Variants in EP400 observed in about 807,000 individuals in gnomAD.
EP400 encodes E1A binding protein p400.
In EP400, 105 loss-of-function variants were observed where a neutral mutation model predicts 354.1. That is an observed-to-expected ratio of 0.30 (90% CI 0.25 to 0.35). The LOEUF (loss-of-function observed/expected upper bound fraction) is 0.35, where lower values mean the gene tolerates loss of function less well. Ranked by LOEUF, EP400 falls within the 10% of genes least tolerant of loss-of-function variation. EP400 has a pLI of 1.00. For missense variants in EP400, 3,280 were observed against 4,121.0 expected (o/e 0.80, Z 5.59); for synonymous variants, 1,646 against 1,716.9 (o/e 0.96, Z 1.02).
At position 132,004,579 on chromosome 12, in the gene EP400, A is replaced by T. The variant is rs548933168; in HGVS notation, c.2828-498A>T. On this transcript the variant is annotated intron_variant, in intron 12 of 52. Coordinates refer to ENST00000389561, the MANE Select transcript of EP400 (RefSeq NM_015409.5). ...TTTACATTTTTATTTATTAGTCTAT[A>T]CTGTTACTGTTCATTTAGATTATTT... is the stretch of plus-strand genomic sequence containing the variant. Among the ~76,000 whole-genome samples the T allele has an allele frequency of 6.0e-4, 91 of 152,186 alleles. 1 individual carries two copies. Among genetic ancestry groups the T allele is most frequent in the Middle Eastern group, 6.8e-3 (2 of 292 alleles).
chr12:131,972,959 T>G (rs558625912), intron 2 of EP400, among the ~76,000 whole-genome samples: 1 of 152,192 alleles, frequency 6.6e-6, no homozygotes, highest in African/African-American at 2.4e-5. Context: ...CTCGAACTCC[T>G]GACCTCAAGT....
At chr12:132,005,231 G>A (rs1157459032) in intron 13 of EP400, 47 bp downstream of exon 13, 35 of 1,375,296 alleles carry the variant, frequency 2.5e-5, no homozygotes, top group Middle Eastern at 1.8e-4. Context: ...AGCAGAAGCC[G>A]GAGTACTTAC....
In EP400 at chr12:132,038,207, G is replaced by A. The variant is rs1894778983; in HGVS notation, c.6207+111G>A. 1 of 1,401,746 alleles carries A rather than the reference G, an allele frequency of 7.1e-7. No homozygotes were observed. Among genetic ancestry groups the A allele is most frequent in the African/African-American group, 1.4e-5 (1 of 69,636 alleles). 86.8% of individuals were successfully genotyped at this position (1,401,746 alleles called of 1,614,324 possible). A position where few individuals can be genotyped will look rare whatever the true frequency, so the allele number is the denominator to read the frequency against. ...AGTCCCCACTCTTCCCTGGCCTGAA[G>A]CCCTCTTCCCGTCCCTGCTTTTGGA... On this transcript the variant is annotated intron_variant, in intron 32 of 52. Coordinates refer to ENST00000389561, the MANE Select transcript of EP400 (RefSeq NM_015409.5). The surrounding 1 kb of genome is among the most constrained non-coding windows in gnomAD (Gnocchi z 4.2).
In EP400 at chr12:132,052,366, C is replaced by T. The variant is rs766634453; in HGVS notation, c.7395-780C>T. Reference sequence around the variant, plus strand: ...TTGGCTCAGGGCCCATCTCCGCAAACCCCCAGGACTCCCTACTGCCCACGC... The same window carrying T: ...TTGGCTCAGGGCCCATCTCCGCAAATCCCCAGGACTCCCTACTGCCCACGC... On this transcript the variant is annotated intron_variant, in intron 41 of 52. Transcript: ENST00000389561. This position sits in a 1 kb window ranked among gnomAD's most constrained non-coding sequence, Gnocchi z 4.4. 6.6e-6 allele frequency among the ~76,000 whole-genome samples: 1 copy of T among 152,210 alleles called. No individual in the cohort carries two copies. The highest frequency in any genetic ancestry group is 1.5e-5 in the Non-Finnish European group (1 of 68,034).
intron 1 of EP400, among the ~76,000 whole-genome samples, chr12:131,954,882 G>A (rs1312199828): frequency 1.3e-5 from 2 of 152,024 alleles, no homozygotes; most frequent in Non-Finnish European, 2.9e-5. Context: ...ACAAAAATTA[G>A]CTGGCTGTGG....
chr12:132,020,339 C>T, intron 22 of EP400, 121 bp downstream of exon 22: 1 of 1,194,750 alleles, frequency 8.4e-7, no homozygotes, highest in East Asian at 2.7e-5. Flanking sequence ...CAGGCACCAC[C>T]CGCTGGCTTT....
chr12:132,062,889 T>C (rs1240074653), intron 47 of EP400, among the ~76,000 whole-genome samples, 188 bp downstream of exon 47: 2 of 152,254 alleles, frequency 1.3e-5, no homozygotes, highest in African/African-American at 4.8e-5. Context: ...ACTTTGATCA[T>C]GCCTTAGAGA....
chr12:132,064,580 A>T, intron 47 of EP400, 88 bp from the exon 48 acceptor site: 1 of 1,516,102 alleles, frequency 6.6e-7, no homozygotes, highest in Non-Finnish European at 8.9e-7. Context: ...TTTAATGGGC[A>T]GTAGAGGGGT....
intron 15 of EP400, 142 bp downstream of exon 15, chr12:132,007,019 G>A: frequency 3.5e-6 from 3 of 847,678 alleles, no homozygotes; most frequent in Non-Finnish European, 3.6e-6. Flanking sequence ...TTGAGGCTCA[G>A]AAGTATTCAT....
At chr12:132,015,338 G>A (rs1213681279) in intron 19 of EP400, among the ~76,000 whole-genome samples, 1 of 152,236 alleles carries the variant, frequency 6.6e-6, no homozygotes, top group East Asian at 1.9e-4. Context: ...GCTTTGCCAT[G>A]TTGCTGAAGC....
chr12:131,987,793 G>A lies in EP400; in HGVS notation c.2312G>A (p.Arg771His), dbSNP rs1248383112. 4.3e-6 allele frequency: 7 copies of A among 1,613,124 alleles called. No homozygotes were observed. Among genetic ancestry groups the A allele is most frequent in the Non-Finnish European group, 5.9e-6 (7 of 1,179,912 alleles). Residue 771 changes from arginine (R) to histidine (H), a missense_variant, in exon 7 of 53, where the codon CGC becomes CAC. This residue lies in a region of EP400 where 800 missense variants were observed against 840.0 expected (regional missense o/e 0.95). Coordinates refer to ENST00000389561, the MANE Select transcript of EP400 (RefSeq NM_015409.5). The stretch of plus-strand genomic sequence containing the variant: ...CTGCCAAAGCTGCAGGAGGCCCCAC[G>A]CCCCAAGTCCCACTGGGACTATCTG... Reference protein sequence around the residue: ...RRLPKLQEAPRPKSHWDYLLE... With the variant: ...RRLPKLQEAPHPKSHWDYLLE...
At chr12:132,062,792 C>A in intron 47 of EP400, 91 bp downstream of exon 47, 1 of 1,513,940 alleles carries the variant, frequency 6.6e-7, no homozygotes, top group South Asian at 1.2e-5. Context: ...ATGGTGCAGT[C>A]CAGAGTGTAT....
Position 132,054,992 on chromosome 12 carries a change from T to G in EP400, c.7747T>G (p.Ser2583Ala). Residue 2583 changes from serine to alanine, a missense_variant, in exon 44 of 53, where the codon TCA becomes GCA. This residue lies in a region of EP400 where 255 missense variants were observed against 295.9 expected (regional missense o/e 0.86). Transcript: ENST00000389561. The surrounding 1 kb of genome is among the most constrained non-coding windows in gnomAD (Gnocchi z 4.0). Reference protein sequence around the residue: ...AAVLAGTIKTSVTGTSMPTGA... With the variant: ...AAVLAGTIKTAVTGTSMPTGA... Reference sequence around the variant, plus strand: ...TAAATAGGCAGGAACCATTAAAACATCAGTTACTGGGACGAGCATGCCCAC... The same window carrying G: ...TAAATAGGCAGGAACCATTAAAACAGCAGTTACTGGGACGAGCATGCCCAC... The G allele has an allele frequency of 6.2e-7, 1 of 1,613,774 alleles. No individual in the cohort carries two copies. Among genetic ancestry groups the G allele is most frequent in the Non-Finnish European group, 8.5e-7 (1 of 1,179,908 alleles).
At chr12:131,986,411 G>A in intron 5 of EP400, 103 bp from the exon 6 acceptor site, 1 of 1,142,716 alleles carries the variant, frequency 8.8e-7, no homozygotes, top group Non-Finnish European at 1.2e-6. Flanking sequence ...GGAAGGTGCT[G>A]GCAGTGCGCG....
chr12:131,960,056 A>AT (rs1167831456), intron 1 of EP400, among the ~76,000 whole-genome samples: 3 of 152,166 alleles, frequency 2.0e-5, no homozygotes, highest in Non-Finnish European at 2.9e-5. Context: ...GGGTCACAGA[A>AT]TGCCTCCTGG....
intron 29 of EP400, among the ~76,000 whole-genome samples, chr12:132,030,845 A>T (rs536037085): frequency 6.6e-6 from 1 of 152,176 alleles, no homozygotes; most frequent in Non-Finnish European, 1.5e-5. Context: ...CATGAGCAGA[A>T]ACTGCCCAGC....
At chr12:132,014,973 C>T (rs1233064211) in intron 19 of EP400, among the ~76,000 whole-genome samples, 1 of 152,148 alleles carries the variant, frequency 6.6e-6, no homozygotes, top group Non-Finnish European at 1.5e-5. Context: ...GGGTCTCCTT[C>T]TCTGTGCCTC....
chr12:132,055,932 G>A (rs771595387), intron 45 of EP400, among the ~76,000 whole-genome samples: 43 of 151,984 alleles, frequency 2.8e-4, no homozygotes, highest in Non-Finnish European at 5.6e-4. Flanking sequence ...GGTTTTGGGG[G>A]AGGGGACACG....
chr12:132,007,232 G>A (rs1333144324), intron 15 of EP400, among the ~76,000 whole-genome samples: 1 of 152,264 alleles, frequency 6.6e-6, no homozygotes, highest in Admixed American at 6.5e-5. Context: ...TGGGCTCTCA[G>A]CCGTGTGGGG....
Sources: gnomAD v4.1 joint callset for allele counts (sites outside exome capture counted in the v4.1 genomes callset) on GRCh38, gnomAD v4.1.1 for gene constraint, gnomAD v4.1.1 regional missense constraint, Gnocchi (gnomAD v3.1) non-coding constraint, MANE v1.5 for transcripts, NCBI Gene and HGNC (gene_info 2026-07-23, HGNC 2026-07-21) for gene names.